The following LINGO2 variants were observed in gnomAD, a reference collection of about 807,000 sequenced individuals.
The protein encoded by LINGO2 is leucine-rich repeat and immunoglobulin-like domain-containing nogo receptor-interacting protein 2.
LINGO2 carries 14 observed loss-of-function variants against 30.6 expected under a neutral mutation model. The observed-to-expected ratio is 0.46, with a 90% CI of 0.30 to 0.72. The LOEUF (loss-of-function observed/expected upper bound fraction) is 0.72. Among genes scored for constraint, LINGO2 ranks in the 30% least tolerant of loss-of-function variants. LINGO2 has a pLI of 0.07. For missense variants in LINGO2, 729 were observed against 751.7 expected, an observed-to-expected ratio of 0.97 and a Z score of 0.35; for synonymous variants, 317 against 288.5, an observed-to-expected ratio of 1.10 and a Z score of -1.00.
chr9:29,030,310 A>G, the LINGO2 span, among the ~76,000 whole-genome samples: 1 of 152,130 alleles, frequency 6.6e-6, no homozygotes, highest in Non-Finnish European at 1.5e-5. Flanking sequence ...CAATTCCACA[A>G]TGCATACTTT....
At chr9:28,043,589 ACTTTT>A in intron 4 of LINGO2, among the ~76,000 whole-genome samples, 1 of 152,324 alleles carries the variant, frequency 6.6e-6, no homozygotes. Context: ...ATTTTTGAGA[ACTTTT>A]CTTTATGGAA....
At chr9:28,733,894 T>C in the LINGO2 span, among the ~76,000 whole-genome samples, 2 of 152,188 alleles carry the variant, frequency 1.3e-5, no homozygotes, top group African/African-American at 4.8e-5. Context: ...TTGCCCTAAG[T>C]ACTATCACTA....
chr9:28,379,400 G>T (rs1264866956), intron 2 of LINGO2, among the ~76,000 whole-genome samples: 1 of 151,984 alleles, frequency 6.6e-6, no homozygotes, highest in African/African-American at 2.4e-5. Flanking sequence ...AGAGTGGTGT[G>T]GTTCAAAGAG....
intron 4 of LINGO2, among the ~76,000 whole-genome samples, chr9:28,149,907 C>T (rs1161555919): frequency 7.4e-6 from 1 of 134,878 alleles, no homozygotes; most frequent in Non-Finnish European, 1.6e-5. Context: ...GCCTATGCCT[C>T]GCCGCCGTCC....
At chr9:28,189,074 G>A (rs1421850412) in intron 4 of LINGO2, among the ~76,000 whole-genome samples, 2 of 151,958 alleles carry the variant, frequency 1.3e-5, no homozygotes, top group Non-Finnish European at 2.9e-5. Context: ...CACATTGTGA[G>A]GCCAACTTTT....
At chr9:28,343,974 C>A (rs1229937575) in intron 3 of LINGO2, among the ~76,000 whole-genome samples, 3 of 152,130 alleles carry the variant, frequency 2.0e-5, no homozygotes, top group Admixed American at 6.6e-5. Flanking sequence ...CCAAAGCTGA[C>A]TTTCTAAGGG....
At chr9:28,919,983 CATCACAA>C in the LINGO2 span, among the ~76,000 whole-genome samples, 1 of 152,050 alleles carries the variant, frequency 6.6e-6, no homozygotes, top group Non-Finnish European at 1.5e-5. Context: ...AATACTACGA[CATCACAA>C]ATTGTTACAC....
the LINGO2 span, among the ~76,000 whole-genome samples, chr9:29,188,904 TG>T: frequency 1.1e-5 from 1 of 90,058 alleles, no homozygotes; most frequent in Non-Finnish European, 2.3e-5. Context: ...CCAGTAGGGG[TG>T]GCCGGGCAGA....
At chr9:28,233,587 T>C (rs575022655) in intron 4 of LINGO2, among the ~76,000 whole-genome samples, 1 of 152,362 alleles carries the variant, frequency 6.6e-6, no homozygotes, top group Admixed American at 6.5e-5. Context: ...AAGTAACTTC[T>C]TTTTAATTCT....
At chr9:28,106,875 G>A (rs770108639) in intron 4 of LINGO2, among the ~76,000 whole-genome samples, 2 of 152,120 alleles carry the variant, frequency 1.3e-5, no homozygotes, top group African/African-American at 4.8e-5. Flanking sequence ...AATGAATGTT[G>A]TTTTATTTAC....
In LINGO2 at chr9:28,032,049, G is replaced by A. The variant is rs1468097019; in HGVS notation, c.-86-19644C>T. ...TGACTCAAAATGAGGGGTGGGGGGG[G>A]AAAGCCTCACTGGGATGAAGACAGC... is the stretch of plus-strand genomic sequence containing the variant. On this transcript the variant is annotated intron_variant, in intron 4 of 5. Coordinates refer to ENST00000379992, the Ensembl canonical transcript of LINGO2. Among the ~76,000 whole-genome samples the A allele has an allele frequency of 7.6e-5, 11 of 143,850 alleles. No homozygotes were observed. The East Asian group carries it at 2.5e-3, about 33-fold the overall frequency. The allele number at this position is 143,850 out of a possible 152,430, so 94.4% of individuals were successfully genotyped here.
Position 28,126,919 on chromosome 9 carries a change from A to G in LINGO2, c.-86-114514T>C, listed in dbSNP as rs1433630077. On this transcript the variant is annotated intron_variant, in intron 4 of 5. Transcript: ENST00000379992. ...TCTTCTTCATGAAAGCATTACAGAA[A>G]AAGAAAAGGAAATAAATGTATACCT... 2.0e-5 allele frequency among the ~76,000 whole-genome samples: 3 copies of G among 152,352 alleles called. No homozygotes were observed. In the East Asian group the frequency reaches 5.8e-4, roughly 29 times the overall value.
At chr9:29,066,828 C>A in the LINGO2 span, among the ~76,000 whole-genome samples, 1 of 151,768 alleles carries the variant, frequency 6.6e-6, no homozygotes, top group Admixed American at 6.6e-5. Context: ...TTCTTTTACT[C>A]TTTTGCTTTT....
intron 1 of LINGO2, among the ~76,000 whole-genome samples, chr9:28,523,711 T>C (rs201145907): frequency 6.6e-6 from 1 of 151,970 alleles, no homozygotes; most frequent in African/African-American, 2.4e-5. Flanking sequence ...AGATATAAAA[T>C]TGACAAAATA....
intron 4 of LINGO2, among the ~76,000 whole-genome samples, chr9:28,277,571 A>G (rs1265974624): frequency 6.6e-6 from 1 of 152,126 alleles, no homozygotes; most frequent in Non-Finnish European, 1.5e-5. Flanking sequence ...TGGGAGGCTG[A>G]GGTGGGCAGG....
chr9:28,897,572 A>G, the LINGO2 span, among the ~76,000 whole-genome samples: 129,493 of 152,032 alleles, frequency 0.85, 55,320 homozygotes, highest in Non-Finnish European at 0.89. Context: ...GGACTGGTAA[A>G]ATATGTGTAT....
chr9:28,470,872 T>C (rs1825491373), intron 2 of LINGO2, among the ~76,000 whole-genome samples: 1 of 148,464 alleles, frequency 6.7e-6, no homozygotes, highest in Non-Finnish European at 1.5e-5. Context: ...ATATCTGTAA[T>C]TATATATAAT....
intron 2 of LINGO2, among the ~76,000 whole-genome samples, chr9:28,409,316 T>C (rs1356272537): frequency 6.6e-6 from 1 of 152,074 alleles, no homozygotes; most frequent in Admixed American, 6.6e-5. Context: ...CCAACATAAT[T>C]TTAACACCCA....
intron 4 of LINGO2, among the ~76,000 whole-genome samples, chr9:28,212,488 C>T (rs1020758225): frequency 2.0e-5 from 3 of 151,340 alleles, no homozygotes; most frequent in African/African-American, 4.8e-5. Flanking sequence ...TGTTCATGTA[C>T]GATGTACATA....
Sources: gnomAD v4.1 joint callset for allele counts (sites outside exome capture counted in the v4.1 genomes callset) on GRCh38, gnomAD v4.1.1 for gene constraint, MANE v1.5 for transcripts, NCBI Gene and HGNC (gene_info 2026-07-23, HGNC 2026-07-21) for gene names.